LTBP1: variants seen among roughly 807,000 people sequenced by gnomAD.
LTBP1 encodes latent transforming growth factor beta binding protein 1, also known as latent-transforming growth factor beta-binding protein 1.
A neutral mutation model predicts 207.6 loss-of-function variants in LTBP1; 129 were observed. The ratio of observed to expected loss-of-function variants is 0.62; its 90% CI spans 0.54 to 0.72. The LOEUF (loss-of-function observed/expected upper bound fraction) is 0.72, where lower values mean the gene tolerates loss of function less well. Ranked by LOEUF, LTBP1 falls within the 30% of genes least tolerant of loss-of-function variation. The pLI, the probability that LTBP1 is intolerant of heterozygous loss-of-function variation, is 0.00. For missense variants in LTBP1, 2,281 were observed against 2,217.2 expected, an observed-to-expected ratio of 1.03 and a Z score of -0.58; for synonymous variants, 963 against 833.7, an observed-to-expected ratio of 1.16 and a Z score of -2.67.
rs560738902 is a variant in LTBP1 at position 33,026,687 on chromosome 2, C to T, written c.863+5481C>T. 3.9e-5 allele frequency among the ~76,000 whole-genome samples: 6 copies of T among 152,284 alleles called. 1 individual carries two copies. The South Asian group carries it at 1.0e-3, about 26-fold the overall frequency. ...CAAAAGGAACTCACTCCAAGGTGCT[C>T]AGTGCTCAATTCATGACACCTGGGG... On this transcript the variant is annotated intron_variant, in intron 3 of 33. Transcript: ENST00000404816.
At chr2:33,348,964 TATGACA>T (rs1225697343) in intron 26 of LTBP1, among the ~76,000 whole-genome samples, 1 of 152,232 alleles carries the variant, frequency 6.6e-6, no homozygotes, top group Admixed American at 6.5e-5. Flanking sequence ...AAGACTGTCT[TATGACA>T]GTCTTCATTT....
At chr2:33,158,706 C>T (rs1464182686) in intron 5 of LTBP1, among the ~76,000 whole-genome samples, 2 of 152,158 alleles carry the variant, frequency 1.3e-5, no homozygotes, top group African/African-American at 4.8e-5. Context: ...ATGTATTACC[C>T]AGAACACTTT....
intron 2 of LTBP1, among the ~76,000 whole-genome samples, chr2:32,954,583 T>C (rs1267780725): frequency 6.8e-6 from 1 of 147,630 alleles, no homozygotes; most frequent in Non-Finnish European, 1.5e-5. Flanking sequence ...TTACCTTGAT[T>C]ACCTCTGTAA....
intron 2 of LTBP1, among the ~76,000 whole-genome samples, chr2:32,954,761 G>C (rs759909911): frequency 1.3e-5 from 2 of 152,188 alleles, no homozygotes; most frequent in Non-Finnish European, 2.9e-5. Context: ...TCATTCCTGG[G>C]GCACTTGGGA....
intron 3 of LTBP1, among the ~76,000 whole-genome samples, chr2:33,051,053 A>G (rs571061925): frequency 6.6e-6 from 1 of 152,230 alleles, no homozygotes; most frequent in East Asian, 1.9e-4. Context: ...CAGCCAGAAA[A>G]TGAGCATGGT....
chr2:33,196,651 T>A (rs2088606699), intron 7 of LTBP1, among the ~76,000 whole-genome samples: 1 of 152,158 alleles, frequency 6.6e-6, no homozygotes, highest in African/African-American at 2.4e-5. Flanking sequence ...TTCTTCTAAA[T>A]AAATAAATGC....
chr2:33,123,862 TA>T (rs2081288374), intron 4 of LTBP1, among the ~76,000 whole-genome samples: 1 of 152,316 alleles, frequency 6.6e-6, no homozygotes, highest in African/African-American at 2.4e-5. Context: ...GATTACTACT[TA>T]AAATGCATTC....
chr2:33,010,964 T>G (rs1356346978), intron 2 of LTBP1, among the ~76,000 whole-genome samples: 30 of 152,122 alleles, frequency 2.0e-4, no homozygotes, highest in Admixed American at 2.0e-3. Flanking sequence ...GTGATCTGCC[T>G]GCCTCGACCT....
intron 3 of LTBP1, among the ~76,000 whole-genome samples, chr2:33,081,324 G>T (rs1027781117): frequency 6.6e-6 from 1 of 152,056 alleles, no homozygotes; most frequent in Non-Finnish European, 1.5e-5. Context: ...ATATTTTGGG[G>T]TAGCCTGTCC....
At chr2:33,388,739 C>T (rs2095289070) in intron 31 of LTBP1, among the ~76,000 whole-genome samples, 1 of 152,212 alleles carries the variant, frequency 6.6e-6, no homozygotes, top group African/African-American at 2.4e-5. Flanking sequence ...CATTTTTGGA[C>T]ACCAGAGATA....
At chr2:33,325,401 G>A (rs962354320) in intron 24 of LTBP1, among the ~76,000 whole-genome samples, 7 of 152,134 alleles carry the variant, frequency 4.6e-5, no homozygotes, top group African/African-American at 1.7e-4. Context: ...TGAATCTGGG[G>A]TTTGATATGT....
chr2:33,391,913 G>T (rs1311185861), intron 32 of LTBP1, among the ~76,000 whole-genome samples: 1 of 152,164 alleles, frequency 6.6e-6, no homozygotes, highest in Non-Finnish European at 1.5e-5. Flanking sequence ...CAGCTTGGAC[G>T]ATGTAATGGC....
chr2:33,122,215 A>C (rs751060413), intron 4 of LTBP1, among the ~76,000 whole-genome samples: 3 of 152,114 alleles, frequency 2.0e-5, no homozygotes, highest in African/African-American at 7.2e-5. Context: ...TCCTTCTTCT[A>C]CCATGAAAAA....
At chr2:33,322,422 C>T (rs2094369020) in intron 24 of LTBP1, among the ~76,000 whole-genome samples, 1 of 152,166 alleles carries the variant, frequency 6.6e-6, no homozygotes, top group Non-Finnish European at 1.5e-5. Flanking sequence ...GAGACCTAAA[C>T]TGTAATGCTT....
intron 5 of LTBP1, among the ~76,000 whole-genome samples, chr2:33,182,174 A>T (rs1174526864): frequency 6.6e-6 from 1 of 152,126 alleles, no homozygotes; most frequent in African/African-American, 2.4e-5. Flanking sequence ...AGAGAGACAC[A>T]GGGTTGTTGG....
chr2:33,218,499 T>G (rs1292843719), intron 8 of LTBP1, among the ~76,000 whole-genome samples: 1 of 152,132 alleles, frequency 6.6e-6, no homozygotes, highest in Non-Finnish European at 1.5e-5. Context: ...TGGGTTCAAG[T>G]GATTCTCCTG....
chr2:33,293,198 G>A lies in LTBP1; in HGVS notation c.3151G>A (p.Gly1051Ser), dbSNP rs1040847187. The change falls in exon 20 of 34, where the codon GGT becomes AGT. Residue 1051 changes from glycine (G) to serine (S), a missense_variant. This residue lies in a region of LTBP1 where 1,671 missense variants were observed against 1,634.8 expected (regional missense o/e 1.02). Coordinates refer to ENST00000404816, the MANE Select transcript of LTBP1 (RefSeq NM_206943.4). ...ECLEPNVCAN[G>S]DCSNLEGSYM... Reference sequence around the variant, plus strand: ...CCTGGAACCAAACGTCTGCGCAAATGGTGATTGTTCCAACCTTGAAGGCTC... The same window carrying A: ...CCTGGAACCAAACGTCTGCGCAAATAGTGATTGTTCCAACCTTGAAGGCTC... 7 of 1,613,928 alleles carry A rather than the reference G, an allele frequency of 4.3e-6. No individual in the cohort carries two copies. In the Admixed American group the frequency reaches 8.3e-5, roughly 19 times the overall value.
At chr2:33,153,074 T>G (rs2083669403) in intron 5 of LTBP1, among the ~76,000 whole-genome samples, 1 of 152,168 alleles carries the variant, frequency 6.6e-6, no homozygotes, top group Non-Finnish European at 1.5e-5. Flanking sequence ...AGAGTGTAAA[T>G]GAGATGAGGC....
rs1368919552 is a variant in LTBP1 at position 32,947,394 on chromosome 2, C to A, written c.70C>A (p.Arg24=). Reference sequence around the variant, plus strand: ...GCTCCTCGCGTCCTCGGCGCACGGCCGGCTGCGGAGGATCACCTACGTGGT... The same window carrying A: ...GCTCCTCGCGTCCTCGGCGCACGGCAGGCTGCGGAGGATCACCTACGTGGT... The part of the protein sequence containing the change: ...AGLLASSAHG[R]LRRITYVVHP... Residue 24 remains arginine, a synonymous_variant, in exon 1 of 34, where the codon CGG becomes AGG. Transcript: ENST00000404816. The A allele has an allele frequency of 1.4e-6, 2 of 1,403,598 alleles. No homozygotes were observed. Among genetic ancestry groups the A allele is most frequent in the African/African-American group, 1.5e-5 (1 of 66,700 alleles). The allele number at this position is 1,403,598 out of a possible 1,614,324, so 86.9% of individuals were successfully genotyped here.
Sources: allele counts gnomAD v4.1 joint callset (sites outside exome capture counted in the v4.1 genomes callset), GRCh38; gene constraint gnomAD v4.1.1; regional missense constraint gnomAD v4.1.1; transcripts MANE v1.5; gene names NCBI Gene and HGNC (gene_info 2026-07-23, HGNC 2026-07-21).